Variants in PAK5 observed in about 807,000 individuals in gnomAD.
The protein encoded by PAK5 is p21 (RAC1) activated kinase 5, also known as serine/threonine-protein kinase PAK 5.
In PAK5, 16 loss-of-function variants were observed where a neutral mutation model predicts 65.9. That is an observed-to-expected ratio of 0.24 (90% CI 0.16 to 0.37). The LOEUF is 0.37. Among genes scored for constraint, PAK5 ranks in the 10% least tolerant of loss-of-function variants. The pLI, the probability that PAK5 is intolerant of heterozygous loss-of-function variation, is 1.00. For missense variants in PAK5, 785 were observed against 903.9 expected (o/e 0.87, Z 1.69); for synonymous variants, 371 against 354.9 (o/e 1.05, Z -0.51).
At chr20:9,593,826 TTCTC>T (rs758935621) in intron 3 of PAK5, among the ~76,000 whole-genome samples, 8 of 148,568 alleles carry the variant, frequency 5.4e-5, no homozygotes, top group Middle Eastern at 3.5e-3. Flanking sequence ...CTCTCTCTCT[TTCTC>T]TCTCTCTCTC....
At chr20:9,644,375 T>C (rs747669254) in intron 2 of PAK5, 36 bp from the exon 3 acceptor site, 1 of 1,409,040 alleles carries the variant, frequency 7.1e-7, no homozygotes, top group African/African-American at 1.4e-5. Flanking sequence ...CAGCCATTTA[T>C]ATCTTGCCAG....
chr20:9,694,967 G>A (rs1485767081), intron 2 of PAK5, among the ~76,000 whole-genome samples: 2 of 151,980 alleles, frequency 1.3e-5, no homozygotes, highest in Non-Finnish European at 2.9e-5. Flanking sequence ...CTTTAGTAGA[G>A]TGTTCCAGTC....
chr20:9,584,398 C>T lies in PAK5; in HGVS notation c.205-3468G>A, dbSNP rs553147672. ...CATGATCTTGGCTCACTACAACCTC[C>T]GCCTCCCGGGTTCAAGTAATTCTCC... is the stretch of plus-strand genomic sequence containing the variant. On this transcript the variant is annotated intron_variant, in intron 3 of 9. Transcript: ENST00000353224. Among the ~76,000 whole-genome samples, 18 of 152,286 alleles carry T rather than the reference C, an allele frequency of 1.2e-4. No homozygotes were observed. The East Asian group carries it at 2.1e-3, about 18-fold the overall frequency.
At chr20:9,678,443 T>C (rs1600231916) in intron 2 of PAK5, among the ~76,000 whole-genome samples, 1 of 152,146 alleles carries the variant, frequency 6.6e-6, no homozygotes, top group Non-Finnish European at 1.5e-5. Flanking sequence ...GGCAGGCGCC[T>C]GTAGTCCCAG....
chr20:9,800,251 G>A (rs898123119), intron 1 of PAK5, among the ~76,000 whole-genome samples: 2 of 152,072 alleles, frequency 1.3e-5, no homozygotes, highest in African/African-American at 4.8e-5. Flanking sequence ...CATTTTCATA[G>A]AGATAACTCA....
chr20:9,838,578 C>T lies in PAK5; in HGVS notation c.-162+184G>A, dbSNP rs1979346341. Among the ~76,000 whole-genome samples, 2 of 152,264 alleles carry T rather than the reference C, an allele frequency of 1.3e-5. 1 individual carries two copies. Among genetic ancestry groups the T allele is most frequent in the Non-Finnish European group, 2.9e-5 (2 of 68,004 alleles). ...TGGGCGGTCCCCTATCCCTACCCTC[C>T]AGGCAGCAGGTCCCTAGCCTTTGCA... On this transcript the variant is annotated intron_variant, in intron 1 of 9. Transcript: ENST00000353224. This position sits in a 1 kb window ranked among gnomAD's most constrained non-coding sequence, Gnocchi z 4.5.
intron 3 of PAK5, among the ~76,000 whole-genome samples, chr20:9,640,726 C>T (rs555740244): frequency 1.3e-5 from 2 of 152,140 alleles, no homozygotes; most frequent in Admixed American, 6.5e-5. Flanking sequence ...TTCGTGGTCT[C>T]GCTGGCTCAG....
At chr20:9,800,004 A>G (rs1277720142) in intron 1 of PAK5, among the ~76,000 whole-genome samples, 2 of 151,918 alleles carry the variant, frequency 1.3e-5, no homozygotes, top group South Asian at 2.1e-4. Context: ...TAGTTGACAA[A>G]TGAAAGATAG....
intron 2 of PAK5, among the ~76,000 whole-genome samples, chr20:9,663,298 G>A (rs1449333376): frequency 6.6e-6 from 1 of 152,030 alleles, no homozygotes; most frequent in East Asian, 1.9e-4. Flanking sequence ...TGTTGGTCTG[G>A]CAAAATAACA....
chr20:9,629,349 A>G (rs2046891560), intron 3 of PAK5, among the ~76,000 whole-genome samples: 2 of 152,214 alleles, frequency 1.3e-5, no homozygotes, highest in Admixed American at 1.3e-4. Flanking sequence ...GCAAATACCT[A>G]AAAACATGAG....
rs1048649187 is a variant in PAK5 at position 9,580,723 on chromosome 20, T to C, written c.412A>G (p.Thr138Ala). ...FSQYSSESDT[T>A]ADYTTEKYRE... ...TACTTTTCGGTCGTGTAGTCAGCAG[T>C]AGTATCGGATTCGCTGGAATACTGG... is the stretch of plus-strand genomic sequence containing the variant. The change falls in exon 4 of 10, where the codon ACT becomes GCT. Residue 138 changes from threonine to alanine, a missense_variant. Transcript: ENST00000353224. The C allele has an allele frequency of 1.2e-6, 2 of 1,613,930 alleles. No homozygotes were observed. The highest frequency in any genetic ancestry group is 1.6e-4 in the Middle Eastern group (1 of 6,062).
chr20:9,551,153 C>T (rs565308715), intron 7 of PAK5, among the ~76,000 whole-genome samples: 6 of 152,262 alleles, frequency 3.9e-5, no homozygotes, highest in African/African-American at 1.4e-4. Context: ...TTGCACACAA[C>T]ATTTGTCCAA....
intron 3 of PAK5, among the ~76,000 whole-genome samples, chr20:9,638,755 G>A (rs1057405071): frequency 6.6e-6 from 1 of 152,098 alleles, no homozygotes; most frequent in African/African-American, 2.4e-5. Flanking sequence ...CGTGACAATG[G>A]GTAAGCCTGA....
At chr20:9,733,811 G>C (rs747689180) in intron 1 of PAK5, among the ~76,000 whole-genome samples, 1 of 152,146 alleles carries the variant, frequency 6.6e-6, no homozygotes, top group Non-Finnish European at 1.5e-5. Context: ...TCATTTGAAA[G>C]ACTGGCAAGA....
At chr20:9,818,572 T>C (rs908396402) in intron 1 of PAK5, 2 of 152,194 alleles carry the variant, frequency 1.3e-5, no homozygotes, top group African/African-American at 4.8e-5. Flanking sequence ...ATTCAAAGCA[T>C]TCCAAGGAAA....
chr20:9,706,266 G>T (rs16996301), intron 2 of PAK5, among the ~76,000 whole-genome samples: 3,199 of 152,182 alleles, frequency 0.021, 122 homozygotes, highest in African/African-American at 0.073. Context: ...ACTATGCTTA[G>T]CACGCTTATA....
chr20:9,553,557 AGTGT>A (rs34241978), intron 7 of PAK5, among the ~76,000 whole-genome samples: 2 of 150,902 alleles, frequency 1.3e-5, no homozygotes, highest in African/African-American at 4.9e-5. Context: ...TTATTTCATG[AGTGT>A]GTGTGTGTGT....
chr20:9,557,131 A>G (rs928493668), intron 7 of PAK5, among the ~76,000 whole-genome samples: 3 of 152,164 alleles, frequency 2.0e-5, no homozygotes, highest in African/African-American at 7.2e-5. Context: ...ATCCTCATAC[A>G]CTATTCCTTA....
At chr20:9,682,180 A>T (rs1301866759) in intron 2 of PAK5, among the ~76,000 whole-genome samples, 2 of 151,934 alleles carry the variant, frequency 1.3e-5, no homozygotes, top group Non-Finnish European at 2.9e-5. Flanking sequence ...ACACGGTGAA[A>T]CTCTGTCTCT....
Sources: allele counts gnomAD v4.1 joint callset (sites outside exome capture counted in the v4.1 genomes callset), GRCh38; gene constraint gnomAD v4.1.1; non-coding constraint Gnocchi (gnomAD v3.1); transcripts MANE v1.5; gene names NCBI Gene and HGNC (gene_info 2026-07-23, HGNC 2026-07-21).